The following SAMSN1 variants were observed in gnomAD, a reference collection of about 807,000 sequenced individuals.
SAMSN1 encodes SAM domain-containing protein SAMSN-1.
In SAMSN1, 31 loss-of-function variants were observed where a neutral mutation model predicts 42.0. The ratio of observed to expected loss-of-function variants is 0.74; its 90% CI spans 0.55 to 1.00. SAMSN1 has a LOEUF of 1.00. SAMSN1 is among the 50% of genes least tolerant of loss of function. SAMSN1 has a pLI of 0.00. For synonymous variants in SAMSN1, 178 were observed against 151.9 expected (o/e 1.17, Z -1.26); for missense variants, 464 against 439.4 (o/e 1.06, Z -0.50).
chr21:14,618,302 T>G (rs1322283239), intron 2 of SAMSN1, among the ~76,000 whole-genome samples: 5 of 152,228 alleles, frequency 3.3e-5, no homozygotes, highest in African/African-American at 1.2e-4. Flanking sequence ...TTAGGCAACC[T>G]GCTTCCTACA....
In SAMSN1 at chr21:14,521,425, C is replaced by A. The variant is rs907854855; in HGVS notation, c.58-204G>T. ...TTACAGTTGATCAAATGTCTTTCTACGCTTTTTGTCATAGCGTTAAGTAAG... is the reference window on the plus strand; with the variant it reads ...TTACAGTTGATCAAATGTCTTTCTAAGCTTTTTGTCATAGCGTTAAGTAAG... On this transcript the variant is annotated intron_variant, in intron 1 of 7. Transcript: ENST00000400566. 2.6e-5 allele frequency among the ~76,000 whole-genome samples: 4 copies of A among 152,156 alleles called. No homozygotes were observed. The South Asian group carries it at 8.3e-4, about 32-fold the overall frequency.
intron 5 of SAMSN1, among the ~76,000 whole-genome samples, chr21:14,503,714 G>A (rs1256304246): frequency 6.6e-6 from 1 of 152,146 alleles, no homozygotes; most frequent in African/African-American, 2.4e-5. Flanking sequence ...ACGGCAGGCA[G>A]GACCAGATTG....
chr21:14,657,012 G>C (rs1046284261), intron 1 of SAMSN1, among the ~76,000 whole-genome samples: 7 of 151,402 alleles, frequency 4.6e-5, no homozygotes, highest in Admixed American at 4.6e-4. Flanking sequence ...TACAGCCATG[G>C]ATAAAACATG....
intron 1 of SAMSN1, among the ~76,000 whole-genome samples, chr21:14,530,204 C>T (rs1350550301): frequency 1.3e-5 from 2 of 151,126 alleles, no homozygotes; most frequent in Non-Finnish European, 2.9e-5. Context: ...GTAGTCCCAG[C>T]TACTTGGGAG....
chr21:14,568,412 G>A (rs1981189423), intron 2 of SAMSN1, among the ~76,000 whole-genome samples: 1 of 152,112 alleles, frequency 6.6e-6, no homozygotes, highest in African/African-American at 2.4e-5. Context: ...ATTATTTCTT[G>A]CCTATTTATT....
chr21:14,492,266 A>G (rs1986724912), intron 7 of SAMSN1, among the ~76,000 whole-genome samples: 1 of 152,230 alleles, frequency 6.6e-6, no homozygotes, highest in Non-Finnish European at 1.5e-5. Context: ...ACTCTTGCAC[A>G]CATGCATGGT....
intron 2 of SAMSN1, among the ~76,000 whole-genome samples, chr21:14,518,651 T>G (rs1988025647): frequency 6.6e-6 from 1 of 152,202 alleles, no homozygotes; most frequent in Non-Finnish European, 1.5e-5. Flanking sequence ...ACCACATAGT[T>G]AACATCATTA....
intron 1 of SAMSN1, among the ~76,000 whole-genome samples, chr21:14,536,045 A>G (rs927504905): frequency 3.3e-5 from 5 of 152,242 alleles, no homozygotes; most frequent in Admixed American, 2.6e-4. Flanking sequence ...ATCTTCTGCT[A>G]TTAGTAATCA....
chr21:14,543,813 A>G (rs2822761), intron 1 of SAMSN1, among the ~76,000 whole-genome samples: 96,103 of 152,032 alleles, frequency 0.63, 33,080 homozygotes, highest in African/African-American at 0.9. Context: ...CACAAATTCT[A>G]AGAGTATAGT....
intron 2 of SAMSN1, among the ~76,000 whole-genome samples, chr21:14,554,419 G>A (rs1980693050): frequency 6.6e-6 from 1 of 152,046 alleles, no homozygotes; most frequent in South Asian, 2.1e-4. Flanking sequence ...ATAGTAACAA[G>A]CAAATACTTG....
chr21:14,564,469 T>C (rs928108474), intron 2 of SAMSN1, among the ~76,000 whole-genome samples: 2 of 152,166 alleles, frequency 1.3e-5, no homozygotes, highest in Non-Finnish European at 2.9e-5. Flanking sequence ...AAAACTGTGG[T>C]ACAAAACAGC....
chr21:14,515,373 A>G (rs1987867653), intron 3 of SAMSN1, among the ~76,000 whole-genome samples: 1 of 152,224 alleles, frequency 6.6e-6, no homozygotes, highest in Non-Finnish European at 1.5e-5. Flanking sequence ...ATTTTTAACA[A>G]GAGTACCGAG....
At chr21:14,536,917 T>G (rs1186522227) in intron 1 of SAMSN1, among the ~76,000 whole-genome samples, 1 of 151,958 alleles carries the variant, frequency 6.6e-6, no homozygotes, top group East Asian at 1.9e-4. Flanking sequence ...AAATTTAGAG[T>G]CTTCTCAACA....
intron 2 of SAMSN1, among the ~76,000 whole-genome samples, chr21:14,620,385 A>G (rs1256110945): frequency 2.6e-5 from 4 of 152,140 alleles, no homozygotes; most frequent in African/African-American, 9.7e-5. Flanking sequence ...CTCTCCTGCC[A>G]CCATGTGAAG....
At chr21:14,533,322 T>C (rs1284529336) in intron 1 of SAMSN1, among the ~76,000 whole-genome samples, 1 of 152,224 alleles carries the variant, frequency 6.6e-6, no homozygotes, top group African/African-American at 2.4e-5. Context: ...AACCAAATAC[T>C]GAGACGAATG....
chr21:14,547,002 A>G (rs1292542223), upstream of SAMSN1, among the ~76,000 whole-genome samples: 1 of 152,170 alleles, frequency 6.6e-6, no homozygotes, highest in East Asian at 1.9e-4. Context: ...GTATATTTCT[A>G]AATAAACACA....
At chr21:14,625,079 C>G (rs866327636) in intron 2 of SAMSN1, among the ~76,000 whole-genome samples, 32 of 152,162 alleles carry the variant, frequency 2.1e-4, no homozygotes, top group African/African-American at 6.7e-4. Flanking sequence ...ATTCAACTGC[C>G]CTTCATGCTA....
At chr21:14,516,572 A>G (rs1033535801) in intron 3 of SAMSN1, among the ~76,000 whole-genome samples, 2 of 152,146 alleles carry the variant, frequency 1.3e-5, no homozygotes, top group African/African-American at 4.8e-5. Context: ...TTGTATTTTT[A>G]GTAGAGACGG....
upstream of SAMSN1, among the ~76,000 whole-genome samples, chr21:14,548,910 C>T (rs1248447921): frequency 6.6e-6 from 1 of 152,020 alleles, no homozygotes; most frequent in East Asian, 1.9e-4. Flanking sequence ...ATGATTAAAC[C>T]ACTAGCAACC....
Sources: allele counts gnomAD v4.1 joint callset (sites outside exome capture counted in the v4.1 genomes callset), GRCh38; gene constraint gnomAD v4.1.1; transcripts MANE v1.5; gene names NCBI Gene and HGNC (gene_info 2026-07-23, HGNC 2026-07-21).